Variants in DPP10 observed in about 807,000 individuals in gnomAD.
DPP10 encodes inactive dipeptidyl peptidase 10.
In DPP10, 33 loss-of-function variants were observed where a neutral mutation model predicts 120.9. The ratio of observed to expected loss-of-function variants is 0.27; its 90% CI spans 0.21 to 0.37. The LOEUF is 0.37. Among genes scored for constraint, DPP10 ranks in the 10% least tolerant of loss-of-function variants. The probability of loss-of-function intolerance (pLI) is 1.00; values close to 1 mark genes in which losing one functional copy is unlikely to be tolerated. For synonymous variants in DPP10, 337 were observed against 326.1 expected (o/e 1.03, Z -0.36); for missense variants, 816 against 942.8 (o/e 0.87, Z 1.76).
intron 1 of DPP10, among the ~76,000 whole-genome samples, chr2:114,576,643 G>C (rs1234401764): frequency 6.6e-6 from 1 of 152,110 alleles, no homozygotes; most frequent in Non-Finnish European, 1.5e-5. Context: ...GTCTGGAGTG[G>C]CAAGCAAACA....
At chr2:115,207,363 C>T (rs1011765936) in intron 1 of DPP10, among the ~76,000 whole-genome samples, 1 of 130,730 alleles carries the variant, frequency 7.6e-6, no homozygotes, top group Non-Finnish European at 1.5e-5. Flanking sequence ...TATTGTGAAC[C>T]GTTTATAAAC....
rs2059907958 is a variant in DPP10, at chr2:115,276,011, T to C, written c.61-33228T>C. On this transcript the variant is annotated intron_variant, in intron 1 of 25. Transcript: ENST00000410059. ...CCACCGCGCCCGGCCTATTCTAGCA[T>C]ATTTCAACTCTTGGTGGCAGAAACA... Among the ~76,000 whole-genome samples, 4 of 152,196 alleles carry C rather than the reference T, an allele frequency of 2.6e-5. 1 individual carries two copies. The South Asian group carries it at 8.3e-4, about 31-fold the overall frequency.
intron 2 of DPP10, among the ~76,000 whole-genome samples, chr2:115,324,779 T>C (rs2106124894): frequency 6.6e-6 from 1 of 152,330 alleles, no homozygotes; most frequent in African/African-American, 2.4e-5. Context: ...AAGCTTTTGA[T>C]GTGCCTTCTT....
intron 1 of DPP10, among the ~76,000 whole-genome samples, chr2:115,248,115 A>T (rs2058612591): frequency 6.6e-6 from 1 of 152,064 alleles, no homozygotes; most frequent in Non-Finnish European, 1.5e-5. Context: ...CATTAGGAGG[A>T]ATTTCTGTAT....
chr2:114,670,349 C>A (rs1698243037), intron 1 of DPP10, among the ~76,000 whole-genome samples: 1 of 152,166 alleles, frequency 6.6e-6, no homozygotes, highest in Middle Eastern at 3.4e-3. Flanking sequence ...ACTATGCAGC[C>A]ATAAAAAAGG....
At chr2:115,078,173 A>T (rs542483029) in intron 1 of DPP10, among the ~76,000 whole-genome samples, 1 of 152,360 alleles carries the variant, frequency 6.6e-6, no homozygotes, top group East Asian at 1.9e-4. Context: ...GTTTATTTTT[A>T]ATGCCTATTA....
chr2:115,701,777 A>G (rs181496221), intron 7 of DPP10, among the ~76,000 whole-genome samples: 25 of 152,186 alleles, frequency 1.6e-4, no homozygotes, highest in African/African-American at 5.8e-4. Context: ...ATAAAAAGAA[A>G]GCAACCTGAT....
intron 1 of DPP10, among the ~76,000 whole-genome samples, chr2:115,057,240 C>A (rs952536425): frequency 6.6e-6 from 1 of 152,156 alleles, no homozygotes; most frequent in African/African-American, 2.4e-5. Flanking sequence ...ACCTGCCTTA[C>A]CCACTCTGTG....
intron 1 of DPP10, among the ~76,000 whole-genome samples, chr2:114,443,829 T>G (rs908961372): frequency 1.8e-4 from 28 of 152,176 alleles, no homozygotes; most frequent in Non-Finnish European, 3.1e-4. Flanking sequence ...TTTTTATGAT[T>G]TATATTATGT....
intron 3 of DPP10, among the ~76,000 whole-genome samples, chr2:115,411,703 A>G (rs936397065): frequency 6.6e-6 from 1 of 152,178 alleles, no homozygotes; most frequent in African/African-American, 2.4e-5. Flanking sequence ...GAGCTGAACA[A>G]TTTGCTCTTT....
intron 3 of DPP10, among the ~76,000 whole-genome samples, chr2:115,371,063 A>G (rs978151107): frequency 3.9e-5 from 6 of 152,180 alleles, no homozygotes; most frequent in Admixed American, 1.3e-4. Flanking sequence ...CTAAATGAAT[A>G]TTATAGTGCT....
chr2:115,075,658 A>G (rs903783947), intron 1 of DPP10, among the ~76,000 whole-genome samples: 4 of 151,842 alleles, frequency 2.6e-5, no homozygotes, highest in East Asian at 1.9e-4. Context: ...GAGGCTTATT[A>G]GCTCAGCCCA....
intron 3 of DPP10, among the ~76,000 whole-genome samples, chr2:115,392,072 T>C (rs1357372512): frequency 7.9e-5 from 12 of 152,216 alleles, no homozygotes; most frequent in Admixed American, 7.2e-4. Flanking sequence ...TTGGTTCTTA[T>C]GGTCATTAAG....
At position 114,972,563 on chromosome 2, in the gene DPP10, G is replaced by T. The variant is rs376521052; in HGVS notation, c.61-336676G>T. On this transcript the variant is annotated intron_variant, in intron 1 of 25. Transcript: ENST00000410059. ...TGGATCTCAGGATGATGGATCCATTGATTCCATGCCATTGAGGACTGCAAC... is the reference window on the plus strand; with the variant it reads ...TGGATCTCAGGATGATGGATCCATTTATTCCATGCCATTGAGGACTGCAAC... Among the ~76,000 whole-genome samples the T allele has an allele frequency of 3.5e-4, 53 of 152,120 alleles. No homozygotes were observed. In the South Asian group the frequency reaches 8.9e-3, roughly 26 times the overall value.
rs536127299 is a variant in DPP10 at position 114,961,896 on chromosome 2, G to A, written c.61-347343G>A. Among the ~76,000 whole-genome samples the A allele has an allele frequency of 1.3e-4, 20 of 152,214 alleles. No homozygotes were observed. In the East Asian group the frequency reaches 2.3e-3, roughly 18 times the overall value. Reference sequence around the variant, plus strand: ...TTGAACCCGGGAAGCAAAGGTTGCCGTTAGCTGAGAGCACGCCACTGAACT... The same window carrying A: ...TTGAACCCGGGAAGCAAAGGTTGCCATTAGCTGAGAGCACGCCACTGAACT... On this transcript the variant is annotated intron_variant, in intron 1 of 25. Transcript: ENST00000410059.
chr2:115,593,244 A>T (rs1215533703), intron 5 of DPP10, among the ~76,000 whole-genome samples: 1 of 152,174 alleles, frequency 6.6e-6, no homozygotes, highest in African/African-American at 2.4e-5. Context: ...CAGCTCTCTA[A>T]TAAAGCATTT....
rs148970915 is a variant in DPP10, at chr2:115,495,291, T to C, written c.272-4219T>C. On this transcript the variant is annotated intron_variant, in intron 3 of 25. Coordinates refer to ENST00000410059, the MANE Select transcript of DPP10 (RefSeq NM_020868.6). ...AGAAAGGCAGGAATCTTGAAGTGAG[T>C]TGTTTGATAATTGAGCCATTTACCC... Among the ~76,000 whole-genome samples, 324 of 147,068 alleles carry C rather than the reference T, an allele frequency of 2.2e-3. 1 individual carries two copies. Among genetic ancestry groups the C allele is most frequent in the African/African-American group, 7.7e-3 (311 of 40,388 alleles).
chr2:114,695,067 T>C (rs1699989598), intron 1 of DPP10, among the ~76,000 whole-genome samples: 1 of 151,976 alleles, frequency 6.6e-6, no homozygotes, highest in South Asian at 2.1e-4. Context: ...TAAATGAAAA[T>C]ACTCTGAAAC....
chr2:114,750,338 A>T (rs1481713041), intron 1 of DPP10, among the ~76,000 whole-genome samples: 1 of 145,590 alleles, frequency 6.9e-6, no homozygotes. Flanking sequence ...ACATCAATAT[A>T]TTTTTTTTTT....
Sources: allele counts gnomAD v4.1 joint callset (sites outside exome capture counted in the v4.1 genomes callset), GRCh38; gene constraint gnomAD v4.1.1; transcripts MANE v1.5; gene names NCBI Gene and HGNC (gene_info 2026-07-23, HGNC 2026-07-21).